Variants in MSRB3 observed in about 807,000 individuals in gnomAD.
The protein encoded by MSRB3 is methionine sulfoxide reductase B3, also known as methionine-R-sulfoxide reductase B3.
In MSRB3, 13 loss-of-function variants were observed where a neutral mutation model predicts 21.0. The ratio of observed to expected loss-of-function variants is 0.62; its 90% CI spans 0.40 to 0.98. The LOEUF is 0.98. MSRB3 is among the 50% of genes least tolerant of loss of function. MSRB3 has a pLI of 0.00. For missense variants in MSRB3, 199 were observed against 230.3 expected (o/e 0.86, Z 0.88); for synonymous variants, 87 against 88.6 (o/e 0.98, Z 0.10).
intron 1 of MSRB3, among the ~76,000 whole-genome samples, chr12:65,292,829 T>C (rs1477213458): frequency 6.6e-6 from 1 of 152,032 alleles, no homozygotes; most frequent in African/African-American, 2.4e-5. Flanking sequence ...ATGCTGCCTC[T>C]TGAAAAAGAC....
intron 2 of MSRB3, among the ~76,000 whole-genome samples, chr12:65,310,241 T>G (rs1873910108): frequency 6.6e-6 from 1 of 152,108 alleles, no homozygotes; most frequent in Non-Finnish European, 1.5e-5. Context: ...CACATCCCCC[T>G]GCACTGCCAC....
chr12:65,425,881 G>T (rs1038197175), intron 5 of MSRB3, among the ~76,000 whole-genome samples: 1 of 152,038 alleles, frequency 6.6e-6, no homozygotes, highest in African/African-American at 2.4e-5. Context: ...TTTTGAGATG[G>T]AGTCTTGCTC....
rs149101319 is a variant in MSRB3 at position 65,456,740 on chromosome 12, G to A, written c.390+2915G>A. 1.2e-3 allele frequency among the ~76,000 whole-genome samples: 179 copies of A among 152,284 alleles called. 1 individual carries two copies. Among genetic ancestry groups the A allele is most frequent in the Admixed American group, 8.2e-3 (126 of 15,302 alleles). On this transcript the variant is annotated intron_variant, in intron 6 of 6. Coordinates refer to ENST00000308259, the MANE Select transcript of MSRB3 (RefSeq NM_001031679.3). ...GAAAAGAGGGAGAGGAATTTGTTCC[G>A]CTAAGGCATGTATGAAAATACACGC...
chr12:65,392,428 G>C (rs1469716177), intron 5 of MSRB3, among the ~76,000 whole-genome samples: 3 of 152,216 alleles, frequency 2.0e-5, no homozygotes, highest in Non-Finnish European at 4.4e-5. Flanking sequence ...TGAGGAATGA[G>C]TGGATTTAAC....
intron 5 of MSRB3, among the ~76,000 whole-genome samples, chr12:65,411,488 A>C (rs771560308): frequency 2.6e-4 from 40 of 152,306 alleles, no homozygotes; most frequent in Admixed American, 4.6e-4. Context: ...AGGAATGTAA[A>C]ATTTGTACTC....
intron 2 of MSRB3, among the ~76,000 whole-genome samples, chr12:65,319,495 A>G (rs537485819): frequency 6.6e-6 from 1 of 152,312 alleles, no homozygotes; most frequent in African/African-American, 2.4e-5. Context: ...AAGTGTTAAC[A>G]TCCTTTTTGT....
At chr12:65,287,131 CTTTTTTT>C (rs368441408) in intron 1 of MSRB3, among the ~76,000 whole-genome samples, 4 of 124,766 alleles carry the variant, frequency 3.2e-5, no homozygotes, top group African/African-American at 5.9e-5. Context: ...TTTCATTTCT[CTTTTTTT>C]TTTTTTTTTG....
intron 5 of MSRB3, among the ~76,000 whole-genome samples, chr12:65,422,432 T>TA (rs1565885205): frequency 0.01 from 663 of 63,424 alleles, 7 homozygotes; most frequent in South Asian, 0.014. Flanking sequence ...ATATATATAT[T>TA]TATTTATTTA....
intron 6 of MSRB3, among the ~76,000 whole-genome samples, chr12:65,458,361 C>T (rs911751751): frequency 2.0e-5 from 3 of 152,158 alleles, no homozygotes; most frequent in Admixed American, 1.3e-4. Context: ...AGCCTACCAC[C>T]GCTTTACAGT....
chr12:65,346,002 G>T (rs1876477234), intron 4 of MSRB3, among the ~76,000 whole-genome samples: 1 of 152,056 alleles, frequency 6.6e-6, no homozygotes, highest in African/African-American at 2.4e-5. Context: ...CATTTGGGTT[G>T]GTTCCAAGTC....
At chr12:65,371,862 A>T (rs1878348049) in intron 5 of MSRB3, among the ~76,000 whole-genome samples, 2 of 152,226 alleles carry the variant, frequency 1.3e-5, no homozygotes, top group East Asian at 3.9e-4. Context: ...TTTTTTACAA[A>T]AGCAAATCCT....
chr12:65,456,016 C>T (rs565764591), intron 6 of MSRB3, among the ~76,000 whole-genome samples: 8 of 152,248 alleles, frequency 5.3e-5, no homozygotes, highest in Middle Eastern at 3.4e-3. Context: ...GGATTACAGG[C>T]ATGAGCCACC....
chr12:65,278,721 A>G lies in MSRB3; in HGVS notation c.-196A>G. 1.3e-6 allele frequency: 2 copies of G among 1,503,500 alleles called. No individual in the cohort carries two copies. The highest frequency in any genetic ancestry group is 1.8e-6 in the Non-Finnish European group (2 of 1,104,382). The allele number at this position is 1,503,500 out of a possible 1,614,324, so 93.1% of individuals were successfully genotyped here. On this transcript the variant is annotated 5_prime_UTR_variant, in exon 1 of 7. Transcript: ENST00000308259. ...CCCCGTCCGTCGCCCGGAGCCGGGGAGGGAGGGAGCGAGGTTCGGACACCG... is the reference window on the plus strand; with the variant it reads ...CCCCGTCCGTCGCCCGGAGCCGGGGGGGGAGGGAGCGAGGTTCGGACACCG...
At chr12:65,428,369 C>T (rs978051705) in intron 5 of MSRB3, among the ~76,000 whole-genome samples, 1 of 151,932 alleles carries the variant, frequency 6.6e-6, no homozygotes, top group Non-Finnish European at 1.5e-5. Context: ...TGGGGACTCT[C>T]TGGGGTTATT....
chr12:65,386,523 G>C (rs1192148435), intron 5 of MSRB3, among the ~76,000 whole-genome samples: 2 of 151,734 alleles, frequency 1.3e-5, no homozygotes, highest in African/African-American at 2.4e-5. Context: ...GAATTTGTTA[G>C]GTATCATATG....
In MSRB3 at chr12:65,334,908, A is replaced by G. The variant is rs548271889; in HGVS notation, c.263+6305A>G. 2.2e-3 allele frequency among the ~76,000 whole-genome samples: 328 copies of G among 152,298 alleles called. 1 individual carries two copies. The highest frequency in any genetic ancestry group is 3.9e-3 in the Non-Finnish European group (264 of 68,014). On this transcript the variant is annotated intron_variant, in intron 4 of 6. Coordinates refer to ENST00000308259, the MANE Select transcript of MSRB3 (RefSeq NM_001031679.3). ...AATAGCTGCATTCCAAATTTTCACT[A>G]ATCTTTTCTTTAAAAAAATCCTCTC...
intron 5 of MSRB3, among the ~76,000 whole-genome samples, chr12:65,432,448 T>C (rs1260097568): frequency 1.3e-5 from 2 of 151,984 alleles, no homozygotes. Context: ...AGAGTTGAAA[T>C]GGGGATTTAG....
chr12:65,418,169 A>G (rs1193190811), intron 5 of MSRB3, among the ~76,000 whole-genome samples: 2 of 152,188 alleles, frequency 1.3e-5, no homozygotes, highest in Non-Finnish European at 2.9e-5. Context: ...CAATGGCATG[A>G]TCCTGGCTCA....
intron 5 of MSRB3, among the ~76,000 whole-genome samples, chr12:65,402,066 G>T (rs1880156965): frequency 6.6e-6 from 1 of 152,054 alleles, no homozygotes; most frequent in Admixed American, 6.6e-5. Flanking sequence ...TTTCAACCTT[G>T]GTGAATCTGG....
Sources: gnomAD v4.1 joint callset for allele counts (sites outside exome capture counted in the v4.1 genomes callset) on GRCh38, gnomAD v4.1.1 for gene constraint, MANE v1.5 for transcripts, NCBI Gene and HGNC (gene_info 2026-07-23, HGNC 2026-07-21) for gene names.